The following RLIG1 variants were observed in gnomAD, a reference collection of about 807,000 sequenced individuals.
RLIG1 encodes the protein RNA 5'-phosphate and 3'-OH ligase 1.
chr12:88,045,429 C>A, the RLIG1 span: 1 of 620,620 alleles, frequency 1.6e-6, no homozygotes. Context: ...AAGTAATAAA[C>A]TGTTAACTTT....
At chr12:88,045,054 G>C in the RLIG1 span, 1 of 152,338 alleles carries the variant, frequency 6.6e-6, no homozygotes, top group Non-Finnish European at 1.5e-5. Context: ...TGGAGGCTAG[G>C]TGACCAGCAA....
chr12:88,048,059 G>GAT, the RLIG1 span, among the ~76,000 whole-genome samples: 1 of 151,422 alleles, frequency 6.6e-6, no homozygotes, highest in South Asian at 2.1e-4. Context: ...TAATGGGGAA[G>GAT]ATAGACAATA....
chr12:88,045,375 G>T, the RLIG1 span: 1 of 519,820 alleles, frequency 1.9e-6, no homozygotes, highest in East Asian at 3.4e-5. Flanking sequence ...TGAATAATAG[G>T]TTAATTCTAC....
chr12:88,048,361 AT>A, the RLIG1 span: 1 of 1,596,314 alleles, frequency 6.3e-7, no homozygotes, highest in Admixed American at 1.7e-5. Flanking sequence ...TTGTTTAATC[AT>A]TTTTTAAAAA....
chr12:88,035,734 A>G, the RLIG1 span: 1 of 1,597,222 alleles, frequency 6.3e-7, no homozygotes, highest in Non-Finnish European at 8.5e-7. Flanking sequence ...AAAAGGGAGC[A>G]TCAGGTACGG....
chr12:88,043,963 A>G, the RLIG1 span: 4 of 465,334 alleles, frequency 8.6e-6, no homozygotes, highest in South Asian at 7.4e-5. Flanking sequence ...GTCTGTGACA[A>G]TAAAGCGTCA....
chr12:88,038,858 C>A, the RLIG1 span, among the ~76,000 whole-genome samples: 2 of 152,108 alleles, frequency 1.3e-5, no homozygotes, highest in Non-Finnish European at 2.9e-5. Context: ...ATAATTGCTT[C>A]ATGAAAAGGA....
At chr12:88,049,235 A>G in the RLIG1 span, 1 of 1,608,736 alleles carries the variant, frequency 6.2e-7, no homozygotes, top group Non-Finnish European at 8.5e-7. Context: ...CAAACTCTTC[A>G]GAAGCAGCAA....
At chr12:88,039,395 G>C in the RLIG1 span, among the ~76,000 whole-genome samples, 1 of 152,008 alleles carries the variant, frequency 6.6e-6, no homozygotes, top group Non-Finnish European at 1.5e-5. Context: ...ATTGACTCTT[G>C]GGAAAACTGA....
At chr12:88,036,069 A>C in the RLIG1 span, 2 of 1,386,592 alleles carry the variant, frequency 1.4e-6, no homozygotes, top group Non-Finnish European at 1.9e-6. Flanking sequence ...AAACCCCCTA[A>C]TCAGGTAATT....
chr12:88,040,393 A>C, the RLIG1 span: 1 of 529,860 alleles, frequency 1.9e-6, no homozygotes, highest in Non-Finnish European at 3.3e-6. Context: ...CAAAACAAAA[A>C]GGTCACAATT....
chr12:88,042,717 C>A, the RLIG1 span: 1 of 615,560 alleles, frequency 1.6e-6, no homozygotes, highest in African/African-American at 1.9e-5. Flanking sequence ...TTCCCTTTGT[C>A]TTCTTTGAGA....
At chr12:88,050,155 A>G in the RLIG1 span, 1 of 450,702 alleles carries the variant, frequency 2.2e-6, no homozygotes, top group Non-Finnish European at 3.9e-6. Flanking sequence ...TTACTACTTA[A>G]TCCTATGTTG....
chr12:88,049,117 A>T, the RLIG1 span: 1 of 924,588 alleles, frequency 1.1e-6, no homozygotes, highest in Non-Finnish European at 1.6e-6. Context: ...AGAACTGCTT[A>T]TTTCCAAGTA....
the RLIG1 span, chr12:88,044,632 C>A: frequency 2.0e-5 from 3 of 152,098 alleles, no homozygotes; most frequent in Admixed American, 6.6e-5. Flanking sequence ...AAGAGGAATT[C>A]CTCATTCAGC....
the RLIG1 span, among the ~76,000 whole-genome samples, chr12:88,039,710 A>G: frequency 3.9e-5 from 6 of 152,256 alleles, no homozygotes; most frequent in South Asian, 1.2e-3. Context: ...CATAGCTAAC[A>G]TTATATTATG....
At chr12:88,049,289 T>G in the RLIG1 span, 1 of 1,606,750 alleles carries the variant, frequency 6.2e-7, no homozygotes, top group African/African-American at 1.3e-5. Flanking sequence ...AAAGTTTTTT[T>G]ACCTTCTCTT....
At chr12:88,045,325 G>A in the RLIG1 span, 3 of 351,282 alleles carry the variant, frequency 8.5e-6, no homozygotes, top group African/African-American at 2.1e-5. Context: ...TAATGAATAA[G>A]GGTGAATTTT....
the RLIG1 span, chr12:88,045,756 C>G: frequency 6.2e-7 from 1 of 1,612,872 alleles, no homozygotes. Context: ...CTCATAGGAA[C>G]AAATATCAAT....
Sources: gnomAD v4.1 joint callset for allele counts (sites outside exome capture counted in the v4.1 genomes callset) on GRCh38, gnomAD v4.1.1 for gene constraint, MANE v1.5 for transcripts, NCBI Gene and HGNC (gene_info 2026-07-23, HGNC 2026-07-21) for gene names.